DISC1: variants seen among roughly 807,000 people sequenced by gnomAD.
DISC1 encodes disrupted in schizophrenia 1 protein.
DISC1 carries 57 observed loss-of-function variants against 84.5 expected under a neutral mutation model. The ratio of observed to expected loss-of-function variants is 0.67; its 90% confidence interval spans 0.55 to 0.84. The LOEUF (loss-of-function observed/expected upper bound fraction) is 0.84. Among genes scored for constraint, DISC1 ranks in the 40% least tolerant of loss-of-function variants. The pLI is 0.00. For missense variants in DISC1, 1,000 were observed against 1,057.8 expected, an observed-to-expected ratio of 0.95 and a Z score of 0.76; for synonymous variants, 411 against 415.2, an observed-to-expected ratio of 0.99 and a Z score of 0.12.
intron 6 of DISC1, among the ~76,000 whole-genome samples, chr1:231,779,800 C>A (rs985242596): frequency 1.8e-4 from 27 of 151,912 alleles, no homozygotes; most frequent in African/African-American, 6.0e-4. Context: ...ACCTCGTGAT[C>A]CACCTGCCTC....
chr1:231,863,409 T>TAC (rs1273704876), intron 9 of DISC1, among the ~76,000 whole-genome samples: 418 of 151,972 alleles, frequency 2.8e-3, no homozygotes, highest in African/African-American at 9.5e-3. Context: ...TTTTGTACTT[T>TAC]TAGTAGAGAA....
chr1:231,939,577 T>C (rs2091178930), intron 9 of DISC1, among the ~76,000 whole-genome samples: 1 of 152,130 alleles, frequency 6.6e-6, no homozygotes, highest in Non-Finnish European at 1.5e-5. Flanking sequence ...TCTTTATTTC[T>C]CAAAACTCCC....
At chr1:231,828,135 A>G (rs1035072189) in intron 9 of DISC1, among the ~76,000 whole-genome samples, 9 of 152,146 alleles carry the variant, frequency 5.9e-5, no homozygotes, top group African/African-American at 2.2e-4. Flanking sequence ...TATGTTTACT[A>G]TGACTGCTTT....
At chr1:232,026,762 C>CTTTTTTTTTTTTTTTTTTTT (rs545455868) in intron 12 of DISC1, among the ~76,000 whole-genome samples, 10 of 110,878 alleles carry the variant, frequency 9.0e-5, no homozygotes, top group South Asian at 3.1e-4. Flanking sequence ...TTTCTTTTTT[C>CTTTTTTTTTTTTTTTTTTTT]TTTTTTTTTT....
intron 1 of DISC1, among the ~76,000 whole-genome samples, chr1:231,659,379 T>G (rs1284642863): frequency 6.6e-6 from 1 of 152,212 alleles, no homozygotes; most frequent in Non-Finnish European, 1.5e-5. Context: ...CTTTTCCTCT[T>G]TGTTAGTCTA....
chr1:231,907,125 T>C, intron 9 of DISC1, among the ~76,000 whole-genome samples: 1 of 16,814 alleles, frequency 5.9e-5, no homozygotes, highest in Non-Finnish European at 1.1e-4. Context: ...CTTCCTTCCT[T>C]CCTTCCTCTT....
chr1:231,872,549 T>C (rs182252013), intron 9 of DISC1, among the ~76,000 whole-genome samples: 1 of 152,330 alleles, frequency 6.6e-6, no homozygotes, highest in Admixed American at 6.5e-5. Flanking sequence ...TTTCTAGGGC[T>C]GAAGTTGTAG....
intron 3 of DISC1, among the ~76,000 whole-genome samples, chr1:231,721,305 GA>G (rs984889712): frequency 6.6e-6 from 1 of 151,824 alleles, no homozygotes; most frequent in Non-Finnish European, 1.5e-5. Flanking sequence ...GAAAAAAAAA[GA>G]AAAAAAGTTT....
rs145116882 is a variant in DISC1 at position 231,832,994 on chromosome 1, G to A, written c.1981+14477G>A. ...AAGGGTGATTAGGTTTTAATGAGAT[G>A]GTAAGGGGTGCATGATCGGTCACCA... On this transcript the variant is annotated intron_variant, in intron 9 of 12. Coordinates refer to ENST00000439617, the MANE Select transcript of DISC1 (RefSeq NM_018662.3). Among the ~76,000 whole-genome samples, 885 of 112,610 alleles carry A rather than the reference G, an allele frequency of 7.9e-3. 91 individuals carry two copies. The highest frequency in any genetic ancestry group is 0.012 in the Non-Finnish European group (627 of 52,250). 73.9% of individuals were successfully genotyped at this position (112,610 alleles called of 152,430 possible).
At chr1:231,671,023 A>C (rs1197724641) in intron 1 of DISC1, among the ~76,000 whole-genome samples, 1 of 152,186 alleles carries the variant, frequency 6.6e-6, no homozygotes, top group Non-Finnish European at 1.5e-5. Context: ...TTGGCGTTGA[A>C]TATTGCCTTG....
At chr1:231,950,527 T>C (rs1658176468) in intron 9 of DISC1, among the ~76,000 whole-genome samples, 1 of 152,198 alleles carries the variant, frequency 6.6e-6, no homozygotes, top group Non-Finnish European at 1.5e-5. Flanking sequence ...AGTGGGAGGC[T>C]GTGAAGTGAA....
chr1:231,647,787 T>C (rs919025092), intron 1 of DISC1, among the ~76,000 whole-genome samples: 1 of 152,244 alleles, frequency 6.6e-6, no homozygotes, highest in Non-Finnish European at 1.5e-5. Flanking sequence ...CCCTTGTAAG[T>C]TGGATTCCTC....
At chr1:231,713,796 T>G (rs985807645) in intron 3 of DISC1, among the ~76,000 whole-genome samples, 22 of 136,984 alleles carry the variant, frequency 1.6e-4, no homozygotes, top group Admixed American at 3.0e-4. Context: ...ATATAGGAGA[T>G]ATATATATAT....
intron 3 of DISC1, among the ~76,000 whole-genome samples, chr1:231,706,850 C>A (rs1474701392): frequency 2.0e-5 from 3 of 152,170 alleles, no homozygotes; most frequent in Non-Finnish European, 4.4e-5. Context: ...CAAGATTTCT[C>A]TATCCTCAGT....
intron 3 of DISC1, among the ~76,000 whole-genome samples, chr1:231,738,129 G>A (rs1264247915): frequency 6.6e-6 from 1 of 152,182 alleles, no homozygotes; most frequent in East Asian, 1.9e-4. Context: ...GATTACAGGT[G>A]TGAATCATGA....
chr1:231,918,886 T>C (rs1484680483), intron 9 of DISC1, among the ~76,000 whole-genome samples: 1 of 152,230 alleles, frequency 6.6e-6, no homozygotes, highest in Non-Finnish European at 1.5e-5. Flanking sequence ...AAATATTCTT[T>C]TGTGACCTAA....
chr1:231,865,206 C>G (rs1040965609), intron 9 of DISC1, among the ~76,000 whole-genome samples: 2 of 152,210 alleles, frequency 1.3e-5, no homozygotes, highest in African/African-American at 4.8e-5. Context: ...AACAAACATG[C>G]TGACCTGGGA....
chr1:231,951,972 G>A (rs564733651), intron 9 of DISC1, among the ~76,000 whole-genome samples: 1 of 151,214 alleles, frequency 6.6e-6, no homozygotes, highest in South Asian at 2.1e-4. Flanking sequence ...AGTCTCAGCT[G>A]TTCAAGAGAT....
intron 1 of DISC1, among the ~76,000 whole-genome samples, chr1:231,641,985 C>T (rs899286604): frequency 5.3e-5 from 8 of 152,188 alleles, no homozygotes; most frequent in Non-Finnish European, 8.8e-5. Flanking sequence ...TGGGACTGGG[C>T]GCTGTGGAGC....
Sources: allele counts gnomAD v4.1 joint callset (sites outside exome capture counted in the v4.1 genomes callset), GRCh38; gene constraint gnomAD v4.1.1; transcripts MANE v1.5; gene names NCBI Gene and HGNC (gene_info 2026-07-23, HGNC 2026-07-21).